UHRF1: variants seen among roughly 807,000 people sequenced by gnomAD.
UHRF1 encodes ubiquitin like with PHD and ring finger domains 1.
A neutral mutation model predicts 96.5 loss-of-function variants in UHRF1; 9 were observed. The observed-to-expected ratio is 0.09, with a 90% confidence interval of 0.06 to 0.16. The LOEUF (loss-of-function observed/expected upper bound fraction) is 0.16, where lower values mean the gene tolerates loss of function less well. Ranked by LOEUF, UHRF1 falls within the 10% of genes least tolerant of loss-of-function variation. The pLI is 1.00. For synonymous variants in UHRF1, 455 were observed against 469.9 expected (o/e 0.97, Z 0.41); for missense variants, 626 against 1,131.1 (o/e 0.55, Z 6.40).
At chr19:4,918,535 C>A (rs550365631) in intron 2 of UHRF1, among the ~76,000 whole-genome samples, 4 of 151,878 alleles carry the variant, frequency 2.6e-5, no homozygotes, top group Admixed American at 2.0e-4. Context: ...CTGCGTCAGC[C>A]TCCCGAGTAG....
intron 2 of UHRF1, among the ~76,000 whole-genome samples, chr19:4,923,554 G>C (rs1175708850): frequency 1.3e-5 from 2 of 152,226 alleles, no homozygotes; most frequent in Non-Finnish European, 2.9e-5. Flanking sequence ...CCGCTGGCTG[G>C]AGCTCAGGAT....
rs746284309 is a variant in UHRF1, at chr19:4,960,841, G to T, written c.*38G>T. 4 of 1,204,272 alleles carry T rather than the reference G, an allele frequency of 3.3e-6. No homozygotes were observed. The South Asian group carries it at 4.2e-5, about 13-fold the overall frequency. The allele number at this position is 1,204,272 out of a possible 1,614,324, so 74.6% of individuals were successfully genotyped here. A position where few individuals can be genotyped will look rare whatever the true frequency, so the allele number is the denominator to read the frequency against. On this transcript the variant is annotated 3_prime_UTR_variant, in exon 17 of 17. Coordinates refer to ENST00000650932, the MANE Select transcript of UHRF1 (RefSeq NM_001048201.3). Reference sequence around the variant, plus strand: ...TCTCGACAGGCGTTTTGCTGAAAACGTGTCGGAGGGCTCGTTCATCGGCAC... The same window carrying T: ...TCTCGACAGGCGTTTTGCTGAAAACTTGTCGGAGGGCTCGTTCATCGGCAC...
Position 4,960,902 on chromosome 19 carries a change from AGT to A in UHRF1, c.*102_*103del. The A allele has an allele frequency of 1.6e-6, 1 of 630,704 alleles. No homozygotes were observed. Among genetic ancestry groups the A allele is most frequent in the South Asian group, 2.0e-5 (1 of 50,100 alleles). The allele number at this position is 630,704 out of a possible 1,614,324, so 39.1% of individuals were successfully genotyped here. ...CTTAGTGGGCTTAACTTAAACAGGT[AGT>A]GTTTCCTCCGTTCCCTAAAAAGGTT... On this transcript the variant is annotated 3_prime_UTR_variant, in exon 17 of 17. Transcript: ENST00000650932.
At chr19:4,937,101 T>G (rs2033239809) in intron 5 of UHRF1, among the ~76,000 whole-genome samples, 1 of 152,150 alleles carries the variant, frequency 6.6e-6, no homozygotes, top group Admixed American at 6.6e-5. Context: ...ATTTTGTAAT[T>G]TCAAGGATTT....
chr19:4,956,961 T>C (rs181674488), intron 16 of UHRF1, 148 bp downstream of exon 16: 29 of 663,800 alleles, frequency 4.4e-5, no homozygotes, highest in Non-Finnish European at 7.0e-5. Flanking sequence ...GTTGACTGCT[T>C]TCTGGGCAGC....
intron 11 of UHRF1, 136 bp downstream of exon 11, chr19:4,947,347 C>T (rs535483349): frequency 2.5e-6 from 2 of 796,974 alleles, no homozygotes; most frequent in East Asian, 2.7e-5. Flanking sequence ...GCATTTGGTT[C>T]CTCCCTCTGT....
At chr19:4,938,944 C>T (rs1234870726) in intron 5 of UHRF1, among the ~76,000 whole-genome samples, 3 of 151,194 alleles carry the variant, frequency 2.0e-5, no homozygotes, top group South Asian at 2.1e-4. Context: ...GACAAAGTCT[C>T]GCTCTGTCAC....
intron 2 of UHRF1, among the ~76,000 whole-genome samples, chr19:4,912,701 C>T (rs2032330490): frequency 6.6e-6 from 1 of 152,140 alleles, no homozygotes; most frequent in Non-Finnish European, 1.5e-5. Flanking sequence ...CTTATTACTG[C>T]AGCACACCGT....
At chr19:4,904,719 C>T (rs560751071), upstream of UHRF1, among the ~76,000 whole-genome samples, 28 of 152,356 alleles carry the variant, frequency 1.8e-4, no homozygotes, top group African/African-American at 6.7e-4. Flanking sequence ...CTGCGTGACC[C>T]AGGCAGGATC....
Position 4,956,818 on chromosome 19 carries a change from G to C in UHRF1, c.2235+5G>C. The C allele has an allele frequency of 1.2e-6, 2 of 1,601,852 alleles. No homozygotes were observed. Among genetic ancestry groups the C allele is most frequent in the Non-Finnish European group, 1.7e-6 (2 of 1,173,534 alleles). On this transcript the variant is annotated splice_donor_5th_base_variant and intron_variant, in intron 16 of 16. Coordinates refer to ENST00000650932, the MANE Select transcript of UHRF1 (RefSeq NM_001048201.3). ...TGCCAGCACAACGTGTGCAAGGTGA[G>C]TAGAGATGGCCGCGGGAGCCGGGTG... is the stretch of plus-strand genomic sequence containing the variant.
chr19:4,958,517 C>T lies in UHRF1; in HGVS notation c.2235+1704C>T, dbSNP rs535424262. Among the ~76,000 whole-genome samples the T allele has an allele frequency of 5.3e-5, 8 of 152,302 alleles. No homozygotes were observed. In the South Asian group the frequency reaches 6.2e-4, roughly 12 times the overall value. On this transcript the variant is annotated intron_variant, in intron 16 of 16. Coordinates refer to ENST00000650932, the MANE Select transcript of UHRF1 (RefSeq NM_001048201.3). ...ATTGGAAACCATCTGTCCTGTGCAT[C>T]GGTGTGAAGGCGCGGAAGCGCTGAG...
intron 2 of UHRF1, among the ~76,000 whole-genome samples, chr19:4,923,442 C>T (rs963405249): frequency 2.0e-5 from 3 of 152,220 alleles, no homozygotes; most frequent in African/African-American, 7.2e-5. Flanking sequence ...TTTCCATCCT[C>T]TGCAGTGGTC....
At chr19:4,933,021 C>G in intron 5 of UHRF1, 65 bp downstream of exon 5, 1 of 1,502,032 alleles carries the variant, frequency 6.7e-7, no homozygotes, top group Non-Finnish European at 8.9e-7. Flanking sequence ...GGCCCCCGGA[C>G]TGGCTTTGAA....
rs188915836 is a variant in UHRF1, at chr19:4,930,013, C to T, written c.408+537C>T. Among the ~76,000 whole-genome samples the T allele has an allele frequency of 7.0e-4, 107 of 152,100 alleles. No individual in the cohort carries two copies. In the East Asian group the frequency reaches 0.016, roughly 23 times the overall value. On this transcript the variant is annotated intron_variant, in intron 3 of 16. Transcript: ENST00000650932. The surrounding 1 kb of genome is among the most constrained non-coding windows in gnomAD (Gnocchi z 4.4). ...TTTTTAATACATGGTCTCATTCTGT[C>T]GCCCAGGCTGGAGTACAGTGGTGCC...
Position 4,954,931 on chromosome 19 carries a change from G to C in UHRF1, c.2130+109G>C. On this transcript the variant is annotated intron_variant, in intron 15 of 16. Coordinates refer to ENST00000650932, the MANE Select transcript of UHRF1 (RefSeq NM_001048201.3). The surrounding 1 kb of genome is among the most constrained non-coding windows in gnomAD (Gnocchi z 5.9). Reference sequence around the variant, plus strand: ...TTCAAGTGTACAGCTCAGTCGCACTGAGTACATTCTTGTGGTTGTGCAACC... The same window carrying C: ...TTCAAGTGTACAGCTCAGTCGCACTCAGTACATTCTTGTGGTTGTGCAACC... 1 of 1,372,078 alleles carries C rather than the reference G, an allele frequency of 7.3e-7. No individual in the cohort carries two copies. Among genetic ancestry groups the C allele is most frequent in the South Asian group, 1.3e-5 (1 of 75,432 alleles). The allele number at this position is 1,372,078 out of a possible 1,614,324, so 85.0% of individuals were successfully genotyped here.
intron 5 of UHRF1, among the ~76,000 whole-genome samples, chr19:4,934,811 G>C (rs1345315514): frequency 6.6e-6 from 1 of 152,186 alleles, no homozygotes. Context: ...GGAGGGGAGT[G>C]GCTGGGGCTG....
In UHRF1 at chr19:4,929,460, A is replaced by C. The variant is rs533662318; in HGVS notation, c.392A>C (p.Glu131Ala). ...PADEDMWDET[E>A]LGLYKVNEYV... ...GATGAGGACATGTGGGATGAGACGG[A>C]ATTGGGGCTGTACAAGGTGAGCCTC... Residue 131 changes from glutamate to alanine, a missense_variant, in exon 3 of 17, where the codon GAA (glutamate) becomes GCA (alanine). Transcript: ENST00000650932. 3 of 1,613,038 alleles carry C rather than the reference A, an allele frequency of 1.9e-6. No individual in the cohort carries two copies. Among genetic ancestry groups the C allele is most frequent in the South Asian group, 1.1e-5 (1 of 91,056 alleles).
chr19:4,938,948 C>T (rs1251550631), intron 5 of UHRF1, among the ~76,000 whole-genome samples: 1 of 151,296 alleles, frequency 6.6e-6, no homozygotes, highest in Non-Finnish European at 1.5e-5. Flanking sequence ...AAGTCTCGCT[C>T]TGTCACCCAT....
intron 2 of UHRF1, among the ~76,000 whole-genome samples, chr19:4,917,716 G>A (rs1366107457): frequency 6.6e-6 from 1 of 150,452 alleles, no homozygotes; most frequent in African/African-American, 2.4e-5. Flanking sequence ...GGAGTGCAGC[G>A]GCGTGATCAT....
Sources: gnomAD v4.1 joint callset for allele counts (sites outside exome capture counted in the v4.1 genomes callset) on GRCh38, gnomAD v4.1.1 for gene constraint, Gnocchi (gnomAD v3.1) non-coding constraint, MANE v1.5 for transcripts, NCBI Gene and HGNC (gene_info 2026-07-23, HGNC 2026-07-21) for gene names.